ADGRD2: variants seen among roughly 807,000 people sequenced by gnomAD.
ADGRD2 encodes adhesion G protein-coupled receptor D2.
ADGRD2 carries 71 observed loss-of-function variants against 44.4 expected under a neutral mutation model. The observed-to-expected ratio is 1.60, with a 90% CI of 1.32 to 1.95. The LOEUF is 1.95. Among genes scored for constraint, ADGRD2 ranks in the 30% most tolerant of loss-of-function variants. The pLI is 0.00. For missense variants in ADGRD2, 1,039 were observed against 512.4 expected, an observed-to-expected ratio of 2.03 and a Z score of -9.92; for synonymous variants, 481 against 224.8, an observed-to-expected ratio of 2.14 and a Z score of -10.19.
chr9:124,474,529 T>C (rs1433567055), intron 17 of ADGRD2, among the ~76,000 whole-genome samples: 2 of 152,098 alleles, frequency 1.3e-5, no homozygotes, highest in East Asian at 1.9e-4. Flanking sequence ...ATCATCTCAG[T>C]TGGTGCCTGG....
intron 10 of ADGRD2, chr9:124,465,797 T>A (rs1831810017): frequency 6.6e-6 from 1 of 152,518 alleles, no homozygotes; most frequent in African/African-American, 2.4e-5. Flanking sequence ...CGGGAGGATG[T>A]GTTACCCAGG....
intron 6 of ADGRD2, 124 bp from the exon 10 acceptor site, chr9:124,456,498 G>A (rs1588600895): frequency 3.1e-6 from 2 of 641,420 alleles, no homozygotes; most frequent in Non-Finnish European, 2.9e-6. Flanking sequence ...TCCTTAAAGA[G>A]CCACGGAGGG....
chr9:124,472,655 T>TGG (rs1564143767), intron 17 of ADGRD2, among the ~76,000 whole-genome samples: 6 of 152,106 alleles, frequency 3.9e-5, no homozygotes, highest in Non-Finnish European at 7.4e-5. Context: ...TACAGGCACC[T>TGG]GCCACCACGC....
At chr9:124,458,512 A>G (rs1230203350) in intron 9 of ADGRD2, 104 bp from the exon 13 acceptor site, 4 of 652,008 alleles carry the variant, frequency 6.1e-6, no homozygotes, top group Non-Finnish European at 1.1e-5. Flanking sequence ...ATCCCTTCGG[A>G]CACAGAGGCT....
chr9:124,452,376 G>A (rs1195155184), intron 1 of ADGRD2, 134 bp from the exon 5 acceptor site: 6 of 673,998 alleles, frequency 8.9e-6, no homozygotes, highest in Admixed American at 2.1e-5. Context: ...GGACTCAGCA[G>A]GCCATAGACA....
At chr9:124,464,973 A>G (rs1345546980) in intron 10 of ADGRD2, among the ~76,000 whole-genome samples, 1 of 152,222 alleles carries the variant, frequency 6.6e-6, no homozygotes, top group African/African-American at 2.4e-5. Flanking sequence ...TACCAGAGGC[A>G]GTGTCCCAAG....
chr9:124,467,685 G>C (rs1218475053), intron 11 of ADGRD2, 36 bp from the exon 15 acceptor site: 1 of 717,282 alleles, frequency 1.4e-6, no homozygotes, highest in East Asian at 2.7e-5. Context: ...TTGGGTCTGG[G>C]TGGTGCCAGG....
At chr9:124,468,117 A>G (rs1253407355) in exon 13 of ADGRD2, 2 of 718,556 alleles carry the variant, frequency 2.8e-6, no homozygotes, top group East Asian at 5.4e-5. Flanking sequence ...ACCACAGTCC[A>G]CAAGAACCTC....
chr9:124,460,085 GACAC>G (rs3983851), intron 10 of ADGRD2, among the ~76,000 whole-genome samples: 86,735 of 149,910 alleles, frequency 0.58, 25,136 homozygotes, highest in Middle Eastern at 0.71. Context: ...AGTAATCTTG[GACAC>G]ACACACACAC....
intron 10 of ADGRD2, among the ~76,000 whole-genome samples, chr9:124,460,777 G>A (rs749536636): frequency 7.2e-5 from 11 of 152,050 alleles, no homozygotes; most frequent in Non-Finnish European, 1.2e-4. Context: ...TCATATACAA[G>A]TCTTTTTGTG....
intron 10 of ADGRD2, 58 bp downstream of exon 13, chr9:124,458,779 C>T (rs1019163161): frequency 2.9e-6 from 2 of 700,050 alleles, no homozygotes; most frequent in Non-Finnish European, 5.4e-6. Context: ...TGGTTCAGTT[C>T]CCCCAACCCC....
In ADGRD2 at chr9:124,457,626, T is replaced by C; in HGVS notation, c.1640+20T>C. ...GGAAAGGTGGGTGAGGATGAGGGGG[T>C]GTCCAGAGCCCTGTTGGGTTCTGGG... On this transcript the variant is annotated intron_variant, in intron 8 of 21. Transcript: ENST00000334810. 2 of 598,958 alleles carry C rather than the reference T, an allele frequency of 3.3e-6. No individual in the cohort carries two copies. Among genetic ancestry groups the C allele is most frequent in the Non-Finnish European group, 6.1e-6 (2 of 328,114 alleles). 37.1% of individuals were successfully genotyped at this position (598,958 alleles called of 1,614,324 possible). A position where few individuals can be genotyped will look rare whatever the true frequency, so the allele number is the denominator to read the frequency against.
chr9:124,454,348 A>G lies in ADGRD2; in HGVS notation c.1023-136A>G, dbSNP rs1831571799. 2 of 611,808 alleles carry G rather than the reference A, an allele frequency of 3.3e-6. No individual in the cohort carries two copies. The highest frequency in any genetic ancestry group is 3.8e-5 in the South Asian group (2 of 53,204). 37.9% of individuals were successfully genotyped at this position (611,808 alleles called of 1,614,324 possible). On this transcript the variant is annotated intron_variant, in intron 4 of 21. Transcript: ENST00000334810. The surrounding 1 kb of genome is among the most constrained non-coding windows in gnomAD (Gnocchi z 4.5). ...TTTCCCCATCTAGAACACCGTGTGTAAGACTCTGGACACACAGCCATCAAG... is the reference window on the plus strand; with the variant it reads ...TTTCCCCATCTAGAACACCGTGTGTGAGACTCTGGACACACAGCCATCAAG...
At chr9:124,456,705 C>T (rs1831624443) in exon 7 of ADGRD2, 1 of 712,114 alleles carries the variant, frequency 1.4e-6, no homozygotes, top group African/African-American at 1.7e-5. Context: ...CAGAGCGGCC[C>T]CGAATGCGCA....
chr9:124,476,107 G>A (rs1440434765), intron 19 of ADGRD2, among the ~76,000 whole-genome samples: 4 of 152,180 alleles, frequency 2.6e-5, no homozygotes, highest in Non-Finnish European at 5.9e-5. Context: ...ATGGGGTCGG[G>A]GCTCTGAGGC....
chr9:124,452,275 C>A, intron 1 of ADGRD2, 121 bp downstream of exon 4: 2 of 635,768 alleles, frequency 3.1e-6, no homozygotes, highest in Non-Finnish European at 2.9e-6. Context: ...GTTCCACCCC[C>A]ACCATACCAG....
In ADGRD2 at chr9:124,474,956, C is replaced by A. The variant is rs527392058; in HGVS notation, c.2759-490C>A. ...GGCAGCACCTCCCATCCCCTCAGAA[C>A]CCAAGTCCCGGCCTCATCTCCCCTT... On this transcript the variant is annotated intron_variant, in intron 17 of 21. Transcript: ENST00000334810. Among the ~76,000 whole-genome samples, 31 of 152,334 alleles carry A rather than the reference C, an allele frequency of 2.0e-4. No individual in the cohort carries two copies. The East Asian group carries it at 5.2e-3, about 26-fold the overall frequency.
chr9:124,457,954 T>C (rs1191948530), intron 8 of ADGRD2, among the ~76,000 whole-genome samples, 159 bp from the exon 12 acceptor site: 1 of 152,168 alleles, frequency 6.6e-6, no homozygotes, highest in Non-Finnish European at 1.5e-5. Context: ...GAATTTTGGC[T>C]CTTCCACTTC....
At chr9:124,467,724 G>C (rs1281860742) in exon 12 of ADGRD2, 1 of 718,382 alleles carries the variant, frequency 1.4e-6, no homozygotes, top group East Asian at 2.7e-5. Flanking sequence ...CACACAGAGA[G>C]GCCCTGAGGA....
Sources: gnomAD v4.1 joint callset for allele counts (sites outside exome capture counted in the v4.1 genomes callset) on GRCh38, gnomAD v4.1.1 for gene constraint, Gnocchi (gnomAD v3.1) non-coding constraint, MANE v1.5 for transcripts, NCBI Gene and HGNC (gene_info 2026-07-23, HGNC 2026-07-21) for gene names.